Variants in CRIM1 observed in about 807,000 individuals in gnomAD.
CRIM1 encodes the protein cysteine-rich motor neuron 1 protein.
CRIM1 carries 32 observed loss-of-function variants against 116.4 expected under a neutral mutation model. The observed-to-expected ratio is 0.27, with a 90% CI of 0.21 to 0.37. The LOEUF (loss-of-function observed/expected upper bound fraction) is 0.37, where lower values mean the gene tolerates loss of function less well. Ranked by LOEUF, CRIM1 falls within the 10% of genes least tolerant of loss-of-function variation. CRIM1 has a pLI of 1.00. For synonymous variants in CRIM1, 590 were observed against 509.2 expected, an observed-to-expected ratio of 1.16 and a Z score of -2.13; for missense variants, 1,331 against 1,354.8, an observed-to-expected ratio of 0.98 and a Z score of 0.28.
intron 7 of CRIM1, among the ~76,000 whole-genome samples, chr2:36,480,672 G>A (rs1404945497): frequency 6.6e-6 from 1 of 152,160 alleles, no homozygotes; most frequent in Non-Finnish European, 1.5e-5. Context: ...ATCAGCCTCT[G>A]AGGGGCTAGA....
rs1179542252 is a variant in CRIM1, at chr2:36,550,982, A to G, written c.*2281A>G. 6.6e-6 allele frequency: 1 copy of G among 152,664 alleles called. No homozygotes were observed. Among genetic ancestry groups the G allele is most frequent in the East Asian group, 1.9e-4 (1 of 5,204 alleles). The allele number at this position is 152,664 out of a possible 1,614,324, so 9.5% of individuals were successfully genotyped here. A position where few individuals can be genotyped will look rare whatever the true frequency, so the allele number is the denominator to read the frequency against. The stretch of plus-strand genomic sequence containing the variant: ...TTGGTTCCTGTTGTGCTCTTGTAAA[A>G]GAAAAATATAATTTCCTGAAGAATA... On this transcript the variant is annotated 3_prime_UTR_variant, in exon 17 of 17. Transcript: ENST00000280527.
chr2:36,521,293 A>G (rs529426148), intron 12 of CRIM1, among the ~76,000 whole-genome samples: 1 of 152,302 alleles, frequency 6.6e-6, no homozygotes, highest in South Asian at 2.1e-4. Flanking sequence ...CTGTGGTTGC[A>G]TCCTTATGAG....
Position 36,356,753 on chromosome 2 carries a change from G to T in CRIM1, c.331+130G>T. ...CTCTGCGGGAAGAGGGGCGGCCGCC[G>T]CCCCCAGGAGAGTGCCCCCGCGGCC... On this transcript the variant is annotated intron_variant, in intron 1 of 16. Coordinates refer to ENST00000280527, the MANE Select transcript of CRIM1 (RefSeq NM_016441.3). The surrounding 1 kb of genome is among the most constrained non-coding windows in gnomAD (Gnocchi z 4.3). 2 of 877,862 alleles carry T rather than the reference G, an allele frequency of 2.3e-6. No individual in the cohort carries two copies. The highest frequency in any genetic ancestry group is 3.4e-6 in the Non-Finnish European group (2 of 589,442). 54.4% of individuals were successfully genotyped at this position (877,862 alleles called of 1,614,324 possible).
chr2:36,356,727 G>A lies in CRIM1; in HGVS notation c.331+104G>A, dbSNP rs1668837102. On this transcript the variant is annotated intron_variant, in intron 1 of 16. Coordinates refer to ENST00000280527, the MANE Select transcript of CRIM1 (RefSeq NM_016441.3). The surrounding 1 kb of genome is among the most constrained non-coding windows in gnomAD (Gnocchi z 4.3). ...GGCGAGACTTTCTGGAGGAAAGAGG[G>A]CTCTGCGGGAAGAGGGGCGGCCGCC... 1.7e-6 allele frequency: 2 copies of A among 1,189,084 alleles called. No individual in the cohort carries two copies. Among genetic ancestry groups the A allele is most frequent in the East Asian group, 5.1e-5 (2 of 39,150 alleles). 73.7% of individuals were successfully genotyped at this position (1,189,084 alleles called of 1,614,324 possible).
intron 8 of CRIM1, among the ~76,000 whole-genome samples, chr2:36,507,262 T>C (rs966198669): frequency 1.3e-5 from 2 of 152,246 alleles, no homozygotes; most frequent in African/African-American, 4.8e-5. Flanking sequence ...TTTAATGTTG[T>C]CTATTTCTGA....
intron 7 of CRIM1, among the ~76,000 whole-genome samples, chr2:36,490,240 A>C (rs1173525810): frequency 6.6e-6 from 1 of 152,186 alleles, no homozygotes; most frequent in Non-Finnish European, 1.5e-5. Flanking sequence ...CAATAATTAC[A>C]ACAAGAAGTA....
In CRIM1 at chr2:36,517,491, C is replaced by T. The variant is rs745694079; in HGVS notation, c.2155C>T (p.Leu719Phe). Residue 719 changes from leucine to phenylalanine, a missense_variant, in exon 12 of 17, where the codon CTC becomes TTC. Around this residue, in one of 3 missense-constraint regions of CRIM1, gnomAD observed 358 missense variants for 436.1 expected, o/e 0.82. Coordinates refer to ENST00000280527, the MANE Select transcript of CRIM1 (RefSeq NM_016441.3). Reference protein sequence around the residue: ...LCETEVCPPLLCQNPSRTQDS... With the variant: ...LCETEVCPPLFCQNPSRTQDS... ...TGAGACAGAGGTGTGCCCACCGCTG[C>T]TCTGCCAGAACCCCTCACGCACCCA... 6.2e-7 allele frequency: 1 copy of T among 1,614,238 alleles called. No homozygotes were observed. Among genetic ancestry groups the T allele is most frequent in the Non-Finnish European group, 8.5e-7 (1 of 1,180,032 alleles).
At chr2:36,510,542 A>AC (rs1480998911) in intron 9 of CRIM1, among the ~76,000 whole-genome samples, 2 of 150,290 alleles carry the variant, frequency 1.3e-5, no homozygotes, top group East Asian at 1.9e-4. Flanking sequence ...TTGAAGACCG[A>AC]CCCCCCACTC....
chr2:36,540,862 C>T (rs1185119832), intron 14 of CRIM1, among the ~76,000 whole-genome samples: 1 of 152,156 alleles, frequency 6.6e-6, no homozygotes, highest in Non-Finnish European at 1.5e-5. Flanking sequence ...GAGGTCAATT[C>T]ATTCTCCTTG....
Position 36,477,052 on chromosome 2 carries a change from G to A in CRIM1, c.1155G>A (p.Glu385=). The change falls in exon 6 of 17, where the codon GAG becomes GAA. Residue 385 remains glutamate, a synonymous_variant. Coordinates refer to ENST00000280527, the MANE Select transcript of CRIM1 (RefSeq NM_016441.3). ...AGAGGTACTACGTGCCCGAAGGAGA[G>A]TGCTGCCCAGTGTGTGAAGGTAAGA... ...NCERYYVPEG[E]CCPVCEDPVY... The A allele has an allele frequency of 6.2e-7, 1 of 1,612,554 alleles. No individual in the cohort carries two copies. Among genetic ancestry groups the A allele is most frequent in the Non-Finnish European group, 8.5e-7 (1 of 1,179,446 alleles).
At chr2:36,432,224 G>A (rs1391103292) in intron 2 of CRIM1, among the ~76,000 whole-genome samples, 4 of 152,130 alleles carry the variant, frequency 2.6e-5, no homozygotes, top group Non-Finnish European at 5.9e-5. Flanking sequence ...AGAGAAGACT[G>A]TAGTTTATTA....
Position 36,434,513 on chromosome 2 carries a change from C to T in CRIM1, c.506-6745C>T, listed in dbSNP as rs544949306. ...TGTGACCTTGGCCAAGTTTCTTATC[C>T]TCTCTGGGTCTCTCTCTTCATCTGT... On this transcript the variant is annotated intron_variant, in intron 2 of 16. Coordinates refer to ENST00000280527, the MANE Select transcript of CRIM1 (RefSeq NM_016441.3). 3.8e-4 allele frequency among the ~76,000 whole-genome samples: 58 copies of T among 152,308 alleles called. 1 individual carries two copies. The highest frequency in any genetic ancestry group is 1.3e-3 in the African/African-American group (52 of 41,554).
At chr2:36,481,055 C>G (rs537337119) in intron 7 of CRIM1, among the ~76,000 whole-genome samples, 1 of 152,088 alleles carries the variant, frequency 6.6e-6, no homozygotes, top group Non-Finnish European at 1.5e-5. Flanking sequence ...TTGGGACACA[C>G]GGTAAGGAAT....
intron 1 of CRIM1, among the ~76,000 whole-genome samples, chr2:36,392,372 G>A (rs1671682404): frequency 6.6e-6 from 1 of 152,052 alleles, no homozygotes; most frequent in African/African-American, 2.4e-5. Flanking sequence ...CAGGCTAGGA[G>A]ACTACATCTT....
intron 2 of CRIM1, among the ~76,000 whole-genome samples, chr2:36,435,477 T>C (rs1675235896): frequency 1.3e-5 from 2 of 152,094 alleles, no homozygotes; most frequent in African/African-American, 4.8e-5. Context: ...CAATGTAATT[T>C]TTATCTTCTT....
intron 2 of CRIM1, among the ~76,000 whole-genome samples, chr2:36,421,014 C>T (rs1378141633): frequency 2.6e-5 from 4 of 152,164 alleles, no homozygotes; most frequent in African/African-American, 9.7e-5. Flanking sequence ...GAGACCTCTA[C>T]GTGATCAGCT....
chr2:36,541,550 G>T (rs1045704147), intron 14 of CRIM1, among the ~76,000 whole-genome samples: 1 of 152,130 alleles, frequency 6.6e-6, no homozygotes, highest in African/African-American at 2.4e-5. Flanking sequence ...AAAAAATGCT[G>T]ACCTCAGCTT....
chr2:36,519,988 G>T (rs144309647), intron 12 of CRIM1, among the ~76,000 whole-genome samples: 1 of 152,106 alleles, frequency 6.6e-6, no homozygotes, highest in Non-Finnish European at 1.5e-5. Context: ...AGGAGTAAAC[G>T]TTTGGAAACA....
chr2:36,506,520 G>A (rs868165946), intron 8 of CRIM1, among the ~76,000 whole-genome samples: 2 of 151,822 alleles, frequency 1.3e-5, no homozygotes, highest in South Asian at 2.1e-4. Context: ...AATGAATGGC[G>A]CCCCCGACAG....
Sources: gnomAD v4.1 joint callset for allele counts (sites outside exome capture counted in the v4.1 genomes callset) on GRCh38, gnomAD v4.1.1 for gene constraint, gnomAD v4.1.1 regional missense constraint, Gnocchi (gnomAD v3.1) non-coding constraint, MANE v1.5 for transcripts, NCBI Gene and HGNC (gene_info 2026-07-23, HGNC 2026-07-21) for gene names.